The following IMMP2L variants were observed in gnomAD, a reference collection of about 807,000 sequenced individuals.
The protein encoded by IMMP2L is inner mitochondrial membrane peptidase subunit 2.
IMMP2L carries 18 observed loss-of-function variants against 19.3 expected under a neutral mutation model. That is an observed-to-expected ratio of 0.93 (90% confidence interval 0.64 to 1.38). The LOEUF is 1.38. Ranked by LOEUF, IMMP2L falls within the 40% of genes most tolerant of loss-of-function variation. The pLI, the probability that IMMP2L is intolerant of heterozygous loss-of-function variation, is 0.00. For missense variants in IMMP2L, 233 were observed against 218.2 expected (o/e 1.07, Z -0.43); for synonymous variants, 76 against 73.0 (o/e 1.04, Z -0.21).
chr7:111,207,670 G>A (rs1410607070), intron 3 of IMMP2L, among the ~76,000 whole-genome samples: 1 of 151,094 alleles, frequency 6.6e-6, no homozygotes, highest in Non-Finnish European at 1.5e-5. Context: ...TGAGTAGCTG[G>A]GACTACAGGT....
intron 2 of IMMP2L, among the ~76,000 whole-genome samples, chr7:111,490,126 C>A (rs1842973011): frequency 7.0e-6 from 1 of 142,402 alleles, no homozygotes; most frequent in Non-Finnish European, 1.5e-5. Flanking sequence ...TTAAGAGGGT[C>A]TCGCTCTGTC....
chr7:111,464,746 T>C (rs888879772), intron 3 of IMMP2L, among the ~76,000 whole-genome samples: 6 of 152,082 alleles, frequency 3.9e-5, no homozygotes. Context: ...ACCAATCAAA[T>C]GTATGCTGGG....
At chr7:111,129,659 T>G (rs1206089275) in intron 3 of IMMP2L, among the ~76,000 whole-genome samples, 1 of 152,064 alleles carries the variant, frequency 6.6e-6, no homozygotes, top group African/African-American at 2.4e-5. Context: ...CTACAATCAG[T>G]ATCATGGAGT....
chr7:110,785,758 C>A (rs1800031631), intron 5 of IMMP2L, among the ~76,000 whole-genome samples: 1 of 151,874 alleles, frequency 6.6e-6, no homozygotes, highest in South Asian at 2.1e-4. Flanking sequence ...CAGGCTATAT[C>A]ATCATATAAT....
chr7:111,224,678 T>C (rs922440882), intron 3 of IMMP2L, among the ~76,000 whole-genome samples: 1 of 152,080 alleles, frequency 6.6e-6, no homozygotes, highest in Non-Finnish European at 1.5e-5. Flanking sequence ...TTTCAGGAGT[T>C]CATGAGGGCA....
At chr7:110,700,208 T>C (rs189056139) in intron 5 of IMMP2L, among the ~76,000 whole-genome samples, 18 of 152,256 alleles carry the variant, frequency 1.2e-4, no homozygotes. Context: ...TTGTGAGGCA[T>C]CACAAAAAAA....
chr7:111,459,173 T>C lies in IMMP2L; in HGVS notation c.239+28065A>G, dbSNP rs537379314. Among the ~76,000 whole-genome samples the C allele has an allele frequency of 2.6e-5, 4 of 152,290 alleles. No homozygotes were observed. In the South Asian group the frequency reaches 8.3e-4, roughly 32 times the overall value. On this transcript the variant is annotated intron_variant, in intron 3 of 5. Transcript: ENST00000405709. The stretch of plus-strand genomic sequence containing the variant: ...TCTATTTTCCTACTAGACATCTGTT[T>C]CTGATTTTTCAATATTACAAAGAAA...
chr7:111,205,390 T>C (rs1459508914), intron 3 of IMMP2L, among the ~76,000 whole-genome samples: 1 of 152,204 alleles, frequency 6.6e-6, no homozygotes, highest in Non-Finnish European at 1.5e-5. Flanking sequence ...GTTTGTTGTG[T>C]ATTTCTTTCA....
In IMMP2L at chr7:111,297,042, GGAAATGGA is replaced by G. The variant is rs1359292683; in HGVS notation, c.239+190188_239+190195del. Among the ~76,000 whole-genome samples the G allele has an allele frequency of 2.0e-5, 3 of 152,056 alleles. No homozygotes were observed. The East Asian group carries it at 5.8e-4, about 29-fold the overall frequency. ...TGCCAAGGGCCCACAAAAGTGGAGA[GGAAATGGA>G]GAAAAGGGAGCCAAAAGGGATGCAT... On this transcript the variant is annotated intron_variant, in intron 3 of 5. Transcript: ENST00000405709.
chr7:111,010,706 C>A (rs1824850598), intron 3 of IMMP2L, among the ~76,000 whole-genome samples: 1 of 152,046 alleles, frequency 6.6e-6, no homozygotes, highest in South Asian at 2.1e-4. Flanking sequence ...AAAGAACAAG[C>A]TAGGTCCTCC....
intron 4 of IMMP2L, among the ~76,000 whole-genome samples, chr7:110,899,525 A>G (rs952796629): frequency 3.3e-5 from 5 of 152,178 alleles, no homozygotes; most frequent in African/African-American, 1.2e-4. Flanking sequence ...AATAAGTTTT[A>G]TAGAATATCA....
intron 3 of IMMP2L, among the ~76,000 whole-genome samples, chr7:111,158,332 C>T (rs1368930156): frequency 6.6e-6 from 1 of 151,878 alleles, no homozygotes; most frequent in African/African-American, 2.4e-5. Flanking sequence ...CTGTTGCATA[C>T]CAAATAAACT....
intron 5 of IMMP2L, among the ~76,000 whole-genome samples, chr7:110,694,312 A>C (rs1380030165): frequency 6.6e-6 from 1 of 152,168 alleles, no homozygotes; most frequent in Non-Finnish European, 1.5e-5. Flanking sequence ...AGAGAGCACA[A>C]TCTTAAAGAG....
chr7:111,331,622 T>C (rs76451802), intron 3 of IMMP2L, among the ~76,000 whole-genome samples: 3,261 of 151,986 alleles, frequency 0.021, 122 homozygotes, highest in African/African-American at 0.074. Flanking sequence ...ACTAACTTGA[T>C]TTAATTATTC....
chr7:110,689,918 A>G (rs896789687), intron 5 of IMMP2L, among the ~76,000 whole-genome samples: 2 of 152,148 alleles, frequency 1.3e-5, no homozygotes, highest in African/African-American at 4.8e-5. Context: ...TTCAACCACA[A>G]TGCATGTAGT....
chr7:110,721,929 A>T (rs939848361), intron 5 of IMMP2L, among the ~76,000 whole-genome samples: 1 of 152,110 alleles, frequency 6.6e-6, no homozygotes, highest in Non-Finnish European at 1.5e-5. Context: ...CAATCATAAG[A>T]TAAGACAGAA....
intron 5 of IMMP2L, among the ~76,000 whole-genome samples, chr7:110,703,557 TTA>T: frequency 6.6e-6 from 1 of 152,280 alleles, no homozygotes; most frequent in East Asian, 1.9e-4. Flanking sequence ...TGTAGCTCAT[TTA>T]TATTTTAAAA....
chr7:111,286,796 T>C (rs1367405197), intron 3 of IMMP2L, among the ~76,000 whole-genome samples: 1 of 152,060 alleles, frequency 6.6e-6, no homozygotes, highest in Admixed American at 6.6e-5. Flanking sequence ...TCTCAGAAAA[T>C]GGTCATGGAT....
intron 2 of IMMP2L, among the ~76,000 whole-genome samples, chr7:111,506,601 T>C (rs1371739326): frequency 1.3e-5 from 2 of 152,112 alleles, no homozygotes; most frequent in Non-Finnish European, 2.9e-5. Flanking sequence ...TTTACCATGT[T>C]GGCCAGGATG....
Sources: allele counts gnomAD v4.1 joint callset (sites outside exome capture counted in the v4.1 genomes callset), GRCh38; gene constraint gnomAD v4.1.1; transcripts MANE v1.5; gene names NCBI Gene and HGNC (gene_info 2026-07-23, HGNC 2026-07-21).